The following DTNBP1 variants were observed in gnomAD, a reference collection of about 807,000 sequenced individuals.
The protein encoded by DTNBP1 is dysbindin.
DTNBP1 carries 35 observed loss-of-function variants against 42.8 expected under a neutral mutation model. That is an observed-to-expected ratio of 0.82 (90% CI 0.63 to 1.09). DTNBP1 has a LOEUF of 1.09. Among genes scored for constraint, DTNBP1 ranks in the 50% least tolerant of loss-of-function variants. The pLI, the probability that DTNBP1 is intolerant of heterozygous loss-of-function variation, is 0.00. For synonymous variants in DTNBP1, 171 were observed against 162.2 expected (o/e 1.05, Z -0.41); for missense variants, 457 against 424.2 (o/e 1.08, Z -0.68).
intron 5 of DTNBP1, among the ~76,000 whole-genome samples, chr6:15,623,607 T>A (rs934863375): frequency 6.6e-6 from 1 of 152,078 alleles, no homozygotes; most frequent in Admixed American, 6.5e-5. Flanking sequence ...CTGTTCTAGA[T>A]GAAGGGAACA....
At chr6:15,652,682 T>C (rs577910333) in intron 1 of DTNBP1, among the ~76,000 whole-genome samples, 14 of 152,154 alleles carry the variant, frequency 9.2e-5, no homozygotes, top group Non-Finnish European at 1.9e-4. Context: ...GGCTAGAGTA[T>C]AGTGGTGCGA....
rs1256870636 is a variant in DTNBP1, at chr6:15,587,490, C to T, written c.511+5569G>A. Among the ~76,000 whole-genome samples the T allele has an allele frequency of 6.6e-6, 1 of 152,170 alleles. No individual in the cohort carries two copies. Among genetic ancestry groups the T allele is most frequent in the Non-Finnish European group, 1.5e-5 (1 of 68,036 alleles). ...AAAGTAGTAGGTTGGAGGACTTAGACGTCCCAATTTCAAATCTTACTACGA... is the reference window on the plus strand; with the variant it reads ...AAAGTAGTAGGTTGGAGGACTTAGATGTCCCAATTTCAAATCTTACTACGA... On this transcript the variant is annotated intron_variant, in intron 7 of 9. Coordinates refer to ENST00000344537, the MANE Select transcript of DTNBP1 (RefSeq NM_032122.5). The surrounding 1 kb of genome is among the most constrained non-coding windows in gnomAD (Gnocchi z 4.1).
chr6:15,617,771 A>G (rs975367844), intron 5 of DTNBP1, among the ~76,000 whole-genome samples: 1 of 152,184 alleles, frequency 6.6e-6, no homozygotes, highest in Admixed American at 6.5e-5. Context: ...CCATGAAACT[A>G]CTAGAAGAAA....
chr6:15,543,563 CAAG>C (rs750178813), intron 7 of DTNBP1, among the ~76,000 whole-genome samples: 2 of 152,192 alleles, frequency 1.3e-5, no homozygotes, highest in Non-Finnish European at 2.9e-5. Flanking sequence ...CTTTAAAATT[CAAG>C]AAGGAGAAAA....
chr6:15,540,149 TTCAGTAC>T (rs1217026072), intron 7 of DTNBP1, among the ~76,000 whole-genome samples: 4 of 152,160 alleles, frequency 2.6e-5, no homozygotes, highest in Non-Finnish European at 4.4e-5. Context: ...TTAGTTACCT[TTCAGTAC>T]TCTTAATAAA....
At chr6:15,588,340 A>G (rs1485223046) in intron 7 of DTNBP1, among the ~76,000 whole-genome samples, 1 of 152,174 alleles carries the variant, frequency 6.6e-6, no homozygotes, top group Non-Finnish European at 1.5e-5. Flanking sequence ...TTAAAATGCA[A>G]ATCTGATCCT....
Position 15,599,388 on chromosome 6 carries a change from T to C in DTNBP1, c.489-6307A>G, listed in dbSNP as rs1776635893. On this transcript the variant is annotated intron_variant, in intron 6 of 9. Transcript: ENST00000344537. ...GCTTGAGGATGGAAGGCCACACAGA[T>C]AGTAAGTGACAGAACTGGGAATAAA... 2.0e-5 allele frequency among the ~76,000 whole-genome samples: 3 copies of C among 152,262 alleles called. No homozygotes were observed. The South Asian group carries it at 6.2e-4, about 32-fold the overall frequency.
At chr6:15,583,156 T>A (rs1775911654) in intron 7 of DTNBP1, among the ~76,000 whole-genome samples, 1 of 152,056 alleles carries the variant, frequency 6.6e-6, no homozygotes, top group Admixed American at 6.6e-5. Context: ...AATTTTTAAA[T>A]TTTTTTGTAG....
At chr6:15,527,270 T>C (rs1293993780) in intron 8 of DTNBP1, among the ~76,000 whole-genome samples, 1 of 152,132 alleles carries the variant, frequency 6.6e-6, no homozygotes, top group African/African-American at 2.4e-5. Context: ...ATATCCATAA[T>C]CTTGGGGGCA....
intron 6 of DTNBP1, among the ~76,000 whole-genome samples, chr6:15,597,008 A>G (rs543975070): frequency 6.6e-6 from 1 of 152,294 alleles, no homozygotes; most frequent in East Asian, 1.9e-4. Context: ...CCTTATATAA[A>G]TATCCATTTT....
In DTNBP1 at chr6:15,522,951, G is replaced by A; in HGVS notation, c.*24C>T. Reference sequence around the variant, plus strand: ...ACAGCCAAAACTGGATTCCAGTGTGGCCAGACAACGCCCATGTCCCAATTT... The same window carrying A: ...ACAGCCAAAACTGGATTCCAGTGTGACCAGACAACGCCCATGTCCCAATTT... On this transcript the variant is annotated 3_prime_UTR_variant, in exon 10 of 10. Coordinates refer to ENST00000344537, the MANE Select transcript of DTNBP1 (RefSeq NM_032122.5). The A allele has an allele frequency of 3.1e-6, 5 of 1,614,186 alleles. No individual in the cohort carries two copies. The highest frequency in any genetic ancestry group is 4.2e-6 in the Non-Finnish European group (5 of 1,180,034).
At chr6:15,651,234 T>A in intron 3 of DTNBP1, 79 bp downstream of exon 3, 1 of 1,364,530 alleles carries the variant, frequency 7.3e-7, no homozygotes, top group Non-Finnish European at 1.0e-6. Flanking sequence ...TTAAGGCTTT[T>A]AACCTACAAA....
chr6:15,523,078 A>C lies in DTNBP1; in HGVS notation c.953T>G (p.Val318Gly). The C allele has an allele frequency of 6.2e-7, 1 of 1,614,206 alleles. No homozygotes were observed. The highest frequency in any genetic ancestry group is 1.1e-5 in the South Asian group (1 of 91,076). Residue 318 changes from valine to glycine, a missense_variant, in exon 10 of 10, where the codon GTT becomes GGT. Transcript: ENST00000344537. ...RDISEGGESP[V>G]VQSDEEEVQV... ...AACTTCCTCCTCATCGGACTGAACA[A>C]CGGGGGACTCCCCACCCTCACTGAT...
intron 7 of DTNBP1, among the ~76,000 whole-genome samples, chr6:15,564,196 T>C (rs1373963052): frequency 6.6e-6 from 1 of 152,086 alleles, no homozygotes; most frequent in Non-Finnish European, 1.5e-5. Flanking sequence ...GCTCGGTATA[T>C]TGACTTGCCA....
At chr6:15,529,203 TG>T (rs1368051880) in intron 8 of DTNBP1, among the ~76,000 whole-genome samples, 2 of 152,134 alleles carry the variant, frequency 1.3e-5, no homozygotes, top group African/African-American at 4.8e-5. Context: ...GAGAACCACT[TG>T]AACCCAGGAG....
chr6:15,585,856 T>C (rs1776059819), intron 7 of DTNBP1: 3 of 1,456,276 alleles, frequency 2.1e-6, no homozygotes, highest in Admixed American at 2.3e-5. Flanking sequence ...TCTTCTGGGA[T>C]GTAGAACAAA....
Position 15,646,548 on chromosome 6 carries a change from C to A in DTNBP1, c.161+4765G>T, listed in dbSNP as rs534829643. ...AATTCATATGGAATCAAAAAAAGAG[C>A]CTGAATAGCCAAAGCAATCCAAAGC... On this transcript the variant is annotated intron_variant, in intron 3 of 9. Transcript: ENST00000344537. 1.9e-3 allele frequency among the ~76,000 whole-genome samples: 292 copies of A among 151,990 alleles called. 4 individuals are homozygous for A. The Middle Eastern group carries it at 0.024, about 12-fold the overall frequency.
intron 6 of DTNBP1, chr6:15,595,196 G>A (rs1026876990): frequency 1.8e-5 from 8 of 451,728 alleles, no homozygotes; most frequent in African/African-American, 1.4e-4. Context: ...ATGACTGCTT[G>A]AAGTAGTGGT....
At chr6:15,591,799 A>G (rs1776310527) in intron 7 of DTNBP1, among the ~76,000 whole-genome samples, 1 of 152,176 alleles carries the variant, frequency 6.6e-6, no homozygotes, top group South Asian at 2.1e-4. Flanking sequence ...TGTTTTTTTC[A>G]TCTCTTACTG....
Sources: allele counts gnomAD v4.1 joint callset (sites outside exome capture counted in the v4.1 genomes callset), GRCh38; gene constraint gnomAD v4.1.1; non-coding constraint Gnocchi (gnomAD v3.1); transcripts MANE v1.5; gene names NCBI Gene and HGNC (gene_info 2026-07-23, HGNC 2026-07-21).